OSBPL3: variants seen among roughly 807,000 people sequenced by gnomAD.
OSBPL3 encodes the protein oxysterol-binding protein-related protein 3.
A neutral mutation model predicts 120.1 loss-of-function variants in OSBPL3; 65 were observed. That is an observed-to-expected ratio of 0.54 (90% CI 0.44 to 0.67). The LOEUF (loss-of-function observed/expected upper bound fraction) is 0.67, where lower values mean the gene tolerates loss of function less well. OSBPL3 is among the 30% of genes least tolerant of loss of function. The pLI, the probability that OSBPL3 is intolerant of heterozygous loss-of-function variation, is 0.00. For missense variants in OSBPL3, 1,004 were observed against 1,082.1 expected, an observed-to-expected ratio of 0.93 and a Z score of 1.01; for synonymous variants, 416 against 402.6, an observed-to-expected ratio of 1.03 and a Z score of -0.40.
chr7:24,853,083 TATC>T (rs756411086), intron 10 of OSBPL3, among the ~76,000 whole-genome samples: 1 of 152,226 alleles, frequency 6.6e-6, no homozygotes, highest in African/African-American at 2.4e-5. Flanking sequence ...CTTTATGACT[TATC>T]ATCAGGATTT....
In OSBPL3 at chr7:24,972,100, G is replaced by A. The variant is rs556552935; in HGVS notation, c.-150+7786C>T. 4.4e-4 allele frequency among the ~76,000 whole-genome samples: 67 copies of A among 152,296 alleles called. No individual in the cohort carries two copies. Among genetic ancestry groups the A allele is most frequent in the Non-Finnish European group, 7.5e-4 (51 of 68,024 alleles). ...TTAAGCTACATGCAGGGCTATGCTGGAGGACAGGTTGCTAGATATCATTGC... is the reference window on the plus strand; with the variant it reads ...TTAAGCTACATGCAGGGCTATGCTGAAGGACAGGTTGCTAGATATCATTGC... On this transcript the variant is annotated intron_variant, in intron 1 of 22. Coordinates refer to ENST00000313367, the MANE Select transcript of OSBPL3 (RefSeq NM_015550.4). The surrounding 1 kb of genome is among the most constrained non-coding windows in gnomAD (Gnocchi z 4.3).
At position 24,873,986 on chromosome 7, in the gene OSBPL3, T is replaced by G. The variant is rs1802514384; in HGVS notation, c.97-1917A>C. 6.6e-6 allele frequency among the ~76,000 whole-genome samples: 1 copy of G among 152,212 alleles called. No homozygotes were observed. The highest frequency in any genetic ancestry group is 6.5e-5 in the Admixed American group (1 of 15,288). On this transcript the variant is annotated intron_variant, in intron 2 of 22. Transcript: ENST00000313367. This position sits in a 1 kb window ranked among gnomAD's most constrained non-coding sequence, Gnocchi z 4.1. ...CATGTACATGCGGTTTTATCATCCC[T>G]GCTGGACAGCAGGCTCCTTGAGGGT...
intron 1 of OSBPL3, among the ~76,000 whole-genome samples, chr7:24,909,168 T>G (rs562786604): frequency 1.3e-5 from 2 of 152,226 alleles, no homozygotes; most frequent in African/African-American, 4.8e-5. Context: ...TTTGGTAAGT[T>G]AGCATGCATG....
chr7:24,901,484 AC>A (rs1190888232), intron 1 of OSBPL3, among the ~76,000 whole-genome samples: 4 of 152,346 alleles, frequency 2.6e-5, no homozygotes, highest in Admixed American at 2.6e-4. Context: ...ACACATATGT[AC>A]CTGTCTTTGA....
In OSBPL3 at chr7:24,862,951, T is replaced by G. The variant is rs1270843845; in HGVS notation, c.870+249A>C. On this transcript the variant is annotated intron_variant, in intron 9 of 22. Transcript: ENST00000313367. The surrounding 1 kb of genome is among the most constrained non-coding windows in gnomAD (Gnocchi z 4.4). ...CCAAAAGCCCTAGAAATGGCAGCAG[T>G]CCCTGCGACCTCACACCCTTTTTCC... Among the ~76,000 whole-genome samples, 1 of 152,150 alleles carries G rather than the reference T, an allele frequency of 6.6e-6. No individual in the cohort carries two copies. Among genetic ancestry groups the G allele is most frequent in the Non-Finnish European group, 1.5e-5 (1 of 68,018 alleles).
intron 1 of OSBPL3, among the ~76,000 whole-genome samples, chr7:24,934,570 G>A (rs558414706): frequency 6.6e-6 from 1 of 152,278 alleles, no homozygotes; most frequent in East Asian, 1.9e-4. Flanking sequence ...TATCATGCAA[G>A]CTGATCTTCT....
chr7:24,912,275 C>T lies in OSBPL3; in HGVS notation c.-149-19654G>A, dbSNP rs1332875199. Among the ~76,000 whole-genome samples, 1 of 152,060 alleles carries T rather than the reference C, an allele frequency of 6.6e-6. No homozygotes were observed. The highest frequency in any genetic ancestry group is 2.4e-5 in the African/African-American group (1 of 41,392). ...AGAATGTTACCAAAAAATAATAGTTCATAGGAATTACAAATCAGAAAATGT... is the reference window on the plus strand; with the variant it reads ...AGAATGTTACCAAAAAATAATAGTTTATAGGAATTACAAATCAGAAAATGT... On this transcript the variant is annotated intron_variant, in intron 1 of 22. Coordinates refer to ENST00000313367, the MANE Select transcript of OSBPL3 (RefSeq NM_015550.4). The surrounding 1 kb of genome is among the most constrained non-coding windows in gnomAD (Gnocchi z 4.5).
chr7:24,841,517 G>A (rs992241298), intron 13 of OSBPL3, among the ~76,000 whole-genome samples: 4 of 150,914 alleles, frequency 2.7e-5, no homozygotes, highest in African/African-American at 9.7e-5. Context: ...GCCAACATGC[G>A]GAAGCCCATC....
At position 24,834,592 on chromosome 7, in the gene OSBPL3, A is replaced by C; in HGVS notation, c.1640T>G (p.Val547Gly). 6.2e-7 allele frequency: 1 copy of C among 1,614,174 alleles called. No individual in the cohort carries two copies. The highest frequency in any genetic ancestry group is 8.5e-7 in the Non-Finnish European group (1 of 1,180,034). Residue 547 changes from valine (V) to glycine (G), a missense_variant, in exon 15 of 23, where the codon GTG becomes GGG. Physicochemically the swap from Val to Gly is moderately radical, Grantham distance 109. Coordinates refer to ENST00000313367, the MANE Select transcript of OSBPL3 (RefSeq NM_015550.4). The surrounding 1 kb of genome is among the most constrained non-coding windows in gnomAD (Gnocchi z 5.2). The part of the protein sequence containing the change: ...GKDLSKVAMP[V>G]ELNEPLNTLQ... ...CGTGTTCAGGGGCTCGTTCAGCTCCACCGGCATGGCCACCTTGGACAGGTC... is the reference window on the plus strand; with the variant it reads ...CGTGTTCAGGGGCTCGTTCAGCTCCCCCGGCATGGCCACCTTGGACAGGTC...
Position 24,824,089 on chromosome 7 carries a change from C to T in OSBPL3, c.1885-3851G>A, listed in dbSNP as rs960604042. On this transcript the variant is annotated intron_variant, in intron 16 of 22. Coordinates refer to ENST00000313367, the MANE Select transcript of OSBPL3 (RefSeq NM_015550.4). The surrounding 1 kb of genome is among the most constrained non-coding windows in gnomAD (Gnocchi z 4.9). ...TTTTTTTAAGCATTCTTCCCTATCA[C>T]GTCCTCTCCAATCAAAGAAGAGCAA... is the stretch of plus-strand genomic sequence containing the variant. 6.6e-6 allele frequency among the ~76,000 whole-genome samples: 1 copy of T among 152,138 alleles called. No individual in the cohort carries two copies. The highest frequency in any genetic ancestry group is 1.5e-5 in the Non-Finnish European group (1 of 68,034).
intron 1 of OSBPL3, among the ~76,000 whole-genome samples, chr7:24,920,692 G>T (rs1391654084): frequency 6.6e-6 from 1 of 152,102 alleles, no homozygotes; most frequent in African/African-American, 2.4e-5. Context: ...ACCCCACCAA[G>T]ACTGCTTTAA....
At chr7:24,935,460 C>T (rs939036012) in intron 1 of OSBPL3, among the ~76,000 whole-genome samples, 8 of 151,764 alleles carry the variant, frequency 5.3e-5, no homozygotes, top group Non-Finnish European at 8.8e-5. Flanking sequence ...TTTATGTAAT[C>T]GCCACCACAA....
chr7:24,831,702 C>T lies in OSBPL3; in HGVS notation c.1747-797G>A, dbSNP rs1796385051. Among the ~76,000 whole-genome samples, 3 of 152,208 alleles carry T rather than the reference C, an allele frequency of 2.0e-5. No individual in the cohort carries two copies. Among genetic ancestry groups the T allele is most frequent in the Admixed American group, 2.0e-4 (3 of 15,284 alleles). ...AAGCAGGGATGTCCAATTTTCCTTT[C>T]TAATGTCAGGTAGTAACAATCTCAA... On this transcript the variant is annotated intron_variant, in intron 15 of 22. Coordinates refer to ENST00000313367, the MANE Select transcript of OSBPL3 (RefSeq NM_015550.4). The surrounding 1 kb of genome is among the most constrained non-coding windows in gnomAD (Gnocchi z 4.0).
intron 2 of OSBPL3, among the ~76,000 whole-genome samples, chr7:24,878,711 G>A (rs879496): frequency 0.13 from 19,174 of 152,216 alleles, 1,890 homozygotes; most frequent in East Asian, 0.53. Context: ...TGATAGCAAT[G>A]GCAATTTTTA....
In OSBPL3 at chr7:24,849,182, A is replaced by G. The variant is rs1360304378; in HGVS notation, c.1159-6T>C. On this transcript the variant is annotated splice_polypyrimidine_tract_variant and splice_region_variant and intron_variant, in intron 11 of 22. Coordinates refer to ENST00000313367, the MANE Select transcript of OSBPL3 (RefSeq NM_015550.4). The surrounding 1 kb of genome is among the most constrained non-coding windows in gnomAD (Gnocchi z 5.4). ...TCTGTGTTTTGTGCTAGGGCCTGGA[A>G]CATGTTAAAATAGTGGGGCTCTGTT... is the stretch of plus-strand genomic sequence containing the variant. 4.4e-6 allele frequency: 7 copies of G among 1,606,870 alleles called. No individual in the cohort carries two copies. The highest frequency in any genetic ancestry group is 6.0e-6 in the Non-Finnish European group (7 of 1,173,750).
intron 1 of OSBPL3, among the ~76,000 whole-genome samples, chr7:24,945,111 T>C (rs899835806): frequency 1.3e-5 from 2 of 152,246 alleles, no homozygotes; most frequent in African/African-American, 4.8e-5. Context: ...TAAGTAATAT[T>C]ATCACTTGAT....
intron 5 of OSBPL3, among the ~76,000 whole-genome samples, chr7:24,866,964 C>G (rs909120651): frequency 6.6e-6 from 1 of 152,100 alleles, no homozygotes; most frequent in African/African-American, 2.4e-5. Context: ...TCATGCCCAG[C>G]TAATTTTTTG....
chr7:24,954,742 T>C (rs749144281), intron 1 of OSBPL3, among the ~76,000 whole-genome samples: 1 of 152,186 alleles, frequency 6.6e-6, no homozygotes, highest in Non-Finnish European at 1.5e-5. Flanking sequence ...GCATTGACCC[T>C]CTCTTTAATT....
At chr7:24,973,747 A>T (rs1346422973) in intron 1 of OSBPL3, among the ~76,000 whole-genome samples, 1 of 152,252 alleles carries the variant, frequency 6.6e-6, no homozygotes, top group African/African-American at 2.4e-5. Flanking sequence ...GCAAAGAAGC[A>T]TCTTTGAAAA....
Sources: allele counts gnomAD v4.1 joint callset (sites outside exome capture counted in the v4.1 genomes callset), GRCh38; gene constraint gnomAD v4.1.1; non-coding constraint Gnocchi (gnomAD v3.1); transcripts MANE v1.5; gene names NCBI Gene and HGNC (gene_info 2026-07-23, HGNC 2026-07-21).